FAM234A: variants seen among roughly 807,000 people sequenced by gnomAD.
FAM234A encodes protein FAM234A.
FAM234A carries 42 observed loss-of-function variants against 49.1 expected under a neutral mutation model. The observed-to-expected ratio is 0.86, with a 90% confidence interval of 0.67 to 1.11. The LOEUF (loss-of-function observed/expected upper bound fraction) is 1.11. FAM234A is among the 50% of genes least tolerant of loss of function. FAM234A has a pLI of 0.00. For missense variants in FAM234A, 815 were observed against 745.2 expected (o/e 1.09, Z -1.09); for synonymous variants, 369 against 316.2 (o/e 1.17, Z -1.77).
Position 263,297 on chromosome 16 carries a change from G to A in FAM234A, c.1007G>A (p.Gly336Glu), listed in dbSNP as rs777439873. ...GTGCGCTACCTGATGCATGTCCCAG[G>A]GAACGCCGGTGCAGATGTGCTTCTT... ...GAVRYLMHVP[G>E]NAGADVLLVG... The change falls in exon 9 of 13, where the codon GGG becomes GAG. Residue 336 changes from glycine to glutamate, a missense_variant. Physicochemically the swap from Gly to Glu is moderately conservative, Grantham distance 98. Coordinates refer to ENST00000399932, the MANE Select transcript of FAM234A (RefSeq NM_032039.4). The A allele has an allele frequency of 1.2e-6, 2 of 1,613,048 alleles. No individual in the cohort carries two copies. Among genetic ancestry groups the A allele is most frequent in the East Asian group, 2.2e-5 (1 of 44,888 alleles).
At chr16:244,102 G>A (rs992050395) in intron 1 of FAM234A, among the ~76,000 whole-genome samples, 12 of 151,908 alleles carry the variant, frequency 7.9e-5, no homozygotes, top group Admixed American at 2.0e-4. Context: ...CTGAGTAGCT[G>A]GGACTACAGG....
intron 1 of FAM234A, among the ~76,000 whole-genome samples, chr16:236,533 G>A (rs1375359710): frequency 6.6e-6 from 1 of 151,618 alleles, no homozygotes; most frequent in Non-Finnish European, 1.5e-5. Flanking sequence ...TGGGGCAGGA[G>A]AATAGCTTGA....
rs533955739 is a variant in FAM234A at position 265,088 on chromosome 16, C to T, written c.*66C>T. Reference sequence around the variant, plus strand: ...GACACTAAACGTCCTGGGAAGTGGGCCCTTCCCTGGGTCTCTGCACTGACT... The same window carrying T: ...GACACTAAACGTCCTGGGAAGTGGGTCCTTCCCTGGGTCTCTGCACTGACT... On this transcript the variant is annotated 3_prime_UTR_variant, in exon 13 of 13. Transcript: ENST00000399932. The T allele has an allele frequency of 1.8e-5, 28 of 1,527,432 alleles. No individual in the cohort carries two copies. The South Asian group carries it at 3.1e-4, about 17-fold the overall frequency. The allele number at this position is 1,527,432 out of a possible 1,614,324, so 94.6% of individuals were successfully genotyped here.
chr16:264,388 G>A (rs533909797), intron 11 of FAM234A, among the ~76,000 whole-genome samples: 18 of 152,352 alleles, frequency 1.2e-4, no homozygotes, highest in African/African-American at 3.8e-4. Context: ...GGATAGGGGC[G>A]CACACAGCCA....
chr16:239,273 C>T (rs916441226), intron 1 of FAM234A, among the ~76,000 whole-genome samples: 49 of 136,886 alleles, frequency 3.6e-4, no homozygotes, highest in Non-Finnish European at 6.1e-4. Flanking sequence ...ACATTCCAGC[C>T]TGGGCGACAG....
At chr16:247,339 C>A (rs1192777909) in intron 1 of FAM234A, among the ~76,000 whole-genome samples, 1 of 151,718 alleles carries the variant, frequency 6.6e-6, no homozygotes, top group African/African-American at 2.4e-5. Flanking sequence ...ACCGTGTTGC[C>A]CAGGCTGGTC....
At position 263,378 on chromosome 16, in the gene FAM234A, C is replaced by T; in HGVS notation, c.1088C>T (p.Thr363Ile). Residue 363 changes from threonine (T) to isoleucine (I), a missense_variant, in exon 9 of 13, where the codon ACA (threonine) becomes ATA (isoleucine). Thr to Ile is a moderately conservative substitution (Grantham distance 89, BLOSUM62 -1). Coordinates refer to ENST00000399932, the MANE Select transcript of FAM234A (RefSeq NM_032039.4). ...GGGCAGGAGCTGACGCCTCGCTGGA[C>T]ACCCAAGGCAGCCCATGTCCTGAGG... ...LDGQELTPRWTPKAAHVLRKP... is the reference protein window; with the variant it reads ...LDGQELTPRWIPKAAHVLRKP... 2 of 1,611,184 alleles carry T rather than the reference C, an allele frequency of 1.2e-6. No individual in the cohort carries two copies. The highest frequency in any genetic ancestry group is 1.7e-6 in the Non-Finnish European group (2 of 1,179,968).
chr16:256,254 TA>T (rs1383214545), intron 3 of FAM234A, among the ~76,000 whole-genome samples: 8 of 152,240 alleles, frequency 5.3e-5, no homozygotes, highest in Admixed American at 2.0e-4. Context: ...ATGGTAAGTT[TA>T]TGTTTAACTT....
chr16:264,489 G>A, intron 11 of FAM234A, 125 bp from the exon 12 acceptor site: 2 of 772,996 alleles, frequency 2.6e-6, no homozygotes, highest in Non-Finnish European at 4.2e-6. Context: ...CTGGGGGCTG[G>A]CATTTGGGGG....
intron 1 of FAM234A, among the ~76,000 whole-genome samples, chr16:236,157 T>C (rs943718288): frequency 6.7e-6 from 1 of 150,000 alleles, no homozygotes; most frequent in Non-Finnish European, 1.5e-5. Flanking sequence ...GGTTTCACCA[T>C]GTTGGCCAGG....
intron 3 of FAM234A, 144 bp from the exon 4 acceptor site, chr16:259,339 C>G: frequency 1.5e-6 from 1 of 652,076 alleles, no homozygotes; most frequent in Non-Finnish European, 2.8e-6. Context: ...ATTACTCATC[C>G]TAGTGAGGAA....
chr16:260,465 C>T (rs1596835163), intron 5 of FAM234A: 1 of 495,376 alleles, frequency 2.0e-6, no homozygotes, highest in Non-Finnish European at 4.0e-6. Flanking sequence ...AGCGGCTTGG[C>T]CCCCGGCTGC....
intron 1 of FAM234A, chr16:248,257 A>G (rs1464093026): frequency 1.3e-5 from 2 of 151,978 alleles, no homozygotes; most frequent in East Asian, 1.9e-4. Flanking sequence ...TGGTCCGTGC[A>G]TGGGGGAAAT....
At chr16:255,176 G>T (rs2051181964) in intron 3 of FAM234A, among the ~76,000 whole-genome samples, 1 of 152,116 alleles carries the variant, frequency 6.6e-6, no homozygotes, top group East Asian at 1.9e-4. Flanking sequence ...TTTTGGTAAA[G>T]ATGGGGTTTT....
rs750326172 is a variant in FAM234A at position 264,186 on chromosome 16, C to T, written c.1344+15C>T. ...CCAGCGAGACGGTACGGGAGCCACC[C>T]TCGGAGCAGCCATGCTGGGAGCCGG... On this transcript the variant is annotated intron_variant, in intron 11 of 12. Transcript: ENST00000399932. 3.2e-6 allele frequency: 5 copies of T among 1,585,416 alleles called. No homozygotes were observed. Among genetic ancestry groups the T allele is most frequent in the Admixed American group, 1.8e-5 (1 of 56,724 alleles).
intron 1 of FAM234A, among the ~76,000 whole-genome samples, chr16:237,822 G>C (rs2050455194): frequency 1.3e-5 from 2 of 150,174 alleles, no homozygotes; most frequent in Non-Finnish European, 2.9e-5. Context: ...TCTTGCCTCA[G>C]CCTCTGGAGG....
rs2051493532 is a variant in FAM234A, at chr16:262,192, A to G, written c.808A>G (p.Arg270Gly). 7 of 1,613,870 alleles carry G rather than the reference A, an allele frequency of 4.3e-6. No individual in the cohort carries two copies. The highest frequency in any genetic ancestry group is 5.9e-6 in the Non-Finnish European group (7 of 1,180,034). Residue 270 changes from arginine (R) to glycine (G), a missense_variant, in exon 7 of 13, where the codon AGG becomes GGG. Physicochemically the swap from Arg to Gly is moderately radical, Grantham distance 125. Transcript: ENST00000399932. The stretch of plus-strand genomic sequence containing the variant: ...AAGTGGCTTCCTCCTTCACGTCACC[A>G]GGACAGGTGCCCACTACATCCTCTT... Reference protein sequence around the residue: ...GESGFLLHVTRTGAHYILFPC... With the variant: ...GESGFLLHVTGTGAHYILFPC...
At chr16:255,066 G>C (rs917811909) in intron 3 of FAM234A, among the ~76,000 whole-genome samples, 1 of 152,158 alleles carries the variant, frequency 6.6e-6, no homozygotes, top group Non-Finnish European at 1.5e-5. Context: ...ATGTTGGTCA[G>C]GGTGGTCTCG....
chr16:267,253 C>T (rs2051716849), downstream of FAM234A, among the ~76,000 whole-genome samples: 1 of 152,036 alleles, frequency 6.6e-6, no homozygotes, highest in Non-Finnish European at 1.5e-5. Flanking sequence ...CTCTGGAGGG[C>T]AGGCGTCCCC....
Sources: allele counts gnomAD v4.1 joint callset (sites outside exome capture counted in the v4.1 genomes callset), GRCh38; gene constraint gnomAD v4.1.1; transcripts MANE v1.5; gene names NCBI Gene and HGNC (gene_info 2026-07-23, HGNC 2026-07-21).